CCDC149: variants seen among roughly 807,000 people sequenced by gnomAD.
CCDC149 encodes coiled-coil domain containing 149.
A neutral mutation model predicts 59.9 loss-of-function variants in CCDC149; 45 were observed. The ratio of observed to expected loss-of-function variants is 0.75; its 90% CI spans 0.59 to 0.96. The LOEUF (loss-of-function observed/expected upper bound fraction) is 0.96, where lower values mean the gene tolerates loss of function less well. Among genes scored for constraint, CCDC149 ranks in the 40% least tolerant of loss-of-function variants. CCDC149 has a pLI of 0.00. For missense variants in CCDC149, 584 were observed against 664.7 expected, an observed-to-expected ratio of 0.88 and a Z score of 1.33; for synonymous variants, 245 against 260.6, an observed-to-expected ratio of 0.94 and a Z score of 0.58.
At chr4:24,853,611 G>A (rs1489766041) in intron 3 of CCDC149, among the ~76,000 whole-genome samples, 2 of 150,412 alleles carry the variant, frequency 1.3e-5, no homozygotes. Flanking sequence ...AAAAAAGAGA[G>A]AGAGAGAGAA....
intron 1 of CCDC149, among the ~76,000 whole-genome samples, chr4:24,931,045 T>C (rs944408293): frequency 1.3e-5 from 2 of 151,996 alleles, no homozygotes; most frequent in Non-Finnish European, 2.9e-5. Context: ...AAGTCTAAAC[T>C]CTTTTGTCTG....
At chr4:24,925,485 A>T (rs572144773) in intron 1 of CCDC149, among the ~76,000 whole-genome samples, 9 of 152,238 alleles carry the variant, frequency 5.9e-5, no homozygotes, top group Non-Finnish European at 1.3e-4. Context: ...GCTTCCTTTT[A>T]AAAAAACTTT....
chr4:24,819,788 G>C (rs926219739), intron 12 of CCDC149, 71 bp downstream of exon 12: 1 of 1,042,444 alleles, frequency 9.6e-7, no homozygotes, highest in Non-Finnish European at 1.5e-6. Context: ...GGAAGAGACC[G>C]ATGTCCATTG....
At chr4:24,976,015 G>T (rs2109372515) in intron 1 of CCDC149, among the ~76,000 whole-genome samples, 1 of 147,262 alleles carries the variant, frequency 6.8e-6, no homozygotes, top group South Asian at 2.3e-4. Context: ...AGGGAAAAGA[G>T]GGGAAGGGAG....
At chr4:24,902,119 C>A (rs959647464) in intron 1 of CCDC149, among the ~76,000 whole-genome samples, 1 of 152,162 alleles carries the variant, frequency 6.6e-6, no homozygotes, top group Non-Finnish European at 1.5e-5. Flanking sequence ...GAAAACTACA[C>A]GATAAGTGGT....
intron 4 of CCDC149, 149 bp from the exon 5 acceptor site, chr4:24,838,421 C>T (rs1028872572): frequency 3.2e-6 from 2 of 629,102 alleles, no homozygotes; most frequent in Admixed American, 2.8e-5. Flanking sequence ...CAGTATCATC[C>T]ATTTTTTAAA....
intron 1 of CCDC149, among the ~76,000 whole-genome samples, chr4:24,882,877 TC>T (rs1719929849): frequency 6.6e-6 from 1 of 152,196 alleles, no homozygotes; most frequent in Non-Finnish European, 1.5e-5. Flanking sequence ...GTGACTAAAA[TC>T]AAACCTTTCT....
intron 4 of CCDC149, among the ~76,000 whole-genome samples, chr4:24,843,720 C>T (rs1401628698): frequency 3.3e-5 from 5 of 152,168 alleles, no homozygotes; most frequent in Non-Finnish European, 5.9e-5. Context: ...TTAACAAGCT[C>T]CCAATGCAGT....
intron 1 of CCDC149, among the ~76,000 whole-genome samples, chr4:24,880,300 C>T (rs902976875): frequency 2.0e-5 from 3 of 152,232 alleles, no homozygotes; most frequent in African/African-American, 4.8e-5. Context: ...GTACCACATA[C>T]GCTAGGCATG....
intron 3 of CCDC149, among the ~76,000 whole-genome samples, chr4:24,866,671 C>T (rs567459079): frequency 2.2e-4 from 33 of 151,638 alleles, no homozygotes; most frequent in African/African-American, 6.8e-4. Context: ...GATTTGCCAT[C>T]GGAAATTCGT....
Position 24,912,954 on chromosome 4 carries a change from CGCGCGGCCCCGAGAGGGCCCG to C in CCDC149, c.-96_-76del, listed in dbSNP as rs1241363705. The C allele has an allele frequency of 7.0e-6, 6 of 856,292 alleles. No homozygotes were observed. In the South Asian group the frequency reaches 1.3e-4, roughly 18 times the overall value. The allele number at this position is 856,292 out of a possible 1,614,324, so 53.0% of individuals were successfully genotyped here. A position where few individuals can be genotyped will look rare whatever the true frequency, so the allele number is the denominator to read the frequency against. The stretch of plus-strand genomic sequence containing the variant: ...CGCGTCGCCGCCGCCGCCCGGGCCC[CGCGCGGCCCCGAGAGGGCCCG>C]GCGCCTCCGAGCCGCTGCGCCGCCG... On this transcript the variant is annotated 5_prime_UTR_variant, in exon 1 of 13. Coordinates refer to ENST00000635206, the MANE Select transcript of CCDC149 (RefSeq NM_001330643.2).
chr4:24,947,835 T>TG, intron 1 of CCDC149, among the ~76,000 whole-genome samples: 2 of 152,216 alleles, frequency 1.3e-5, no homozygotes, highest in African/African-American at 4.8e-5. Flanking sequence ...TTTTTTTTTT[T>TG]ATTGCAGATA....
At chr4:24,839,063 G>GAGAGAGAGAA (rs1297541651) in intron 4 of CCDC149, among the ~76,000 whole-genome samples, 138 of 60,080 alleles carry the variant, frequency 2.3e-3, no homozygotes, top group Non-Finnish European at 1.3e-3. Flanking sequence ...CACACACACA[G>GAGAGAGAGAA]AGAGAGAGAG....
intron 3 of CCDC149, among the ~76,000 whole-genome samples, chr4:24,869,661 T>C (rs1010738701): frequency 6.6e-6 from 1 of 152,176 alleles, no homozygotes; most frequent in Admixed American, 6.5e-5. Context: ...TGCCAGGCAC[T>C]GCACATTGAT....
intron 1 of CCDC149, among the ~76,000 whole-genome samples, chr4:24,928,643 C>T (rs910046399): frequency 6.6e-6 from 1 of 152,162 alleles, no homozygotes; most frequent in Non-Finnish European, 1.5e-5. Flanking sequence ...TTTCCCACCT[C>T]AGGGATCCCC....
intron 1 of CCDC149, among the ~76,000 whole-genome samples, chr4:24,894,515 C>A (rs868010060): frequency 6.6e-6 from 1 of 152,026 alleles, no homozygotes; most frequent in Non-Finnish European, 1.5e-5. Flanking sequence ...CAAATTCCAG[C>A]AATCAAAATA....
intron 1 of CCDC149, among the ~76,000 whole-genome samples, chr4:24,946,063 T>C (rs958389132): frequency 2.6e-5 from 4 of 152,220 alleles, no homozygotes; most frequent in Admixed American, 2.6e-4. Context: ...TGATAAGTAT[T>C]CTTGAAAAAC....
intron 1 of CCDC149, among the ~76,000 whole-genome samples, chr4:24,910,360 A>C (rs1721803783): frequency 6.6e-6 from 1 of 152,166 alleles, no homozygotes; most frequent in Admixed American, 6.5e-5. Flanking sequence ...AAGATCCTTA[A>C]CTTGATCATA....
chr4:24,890,763 C>T (rs1157300488), intron 1 of CCDC149, among the ~76,000 whole-genome samples: 3 of 152,230 alleles, frequency 2.0e-5, no homozygotes, highest in Non-Finnish European at 2.9e-5. Flanking sequence ...TGCACATACT[C>T]TAAAGCAAGG....
Sources: gnomAD v4.1 joint callset for allele counts (sites outside exome capture counted in the v4.1 genomes callset) on GRCh38, gnomAD v4.1.1 for gene constraint, MANE v1.5 for transcripts, NCBI Gene and HGNC (gene_info 2026-07-23, HGNC 2026-07-21) for gene names.